The following ANO10 variants were observed in gnomAD, a reference collection of about 807,000 sequenced individuals.
ANO10 encodes anoctamin-10.
In ANO10, 77 loss-of-function variants were observed where a neutral mutation model predicts 74.7. The observed-to-expected ratio is 1.03, with a 90% CI of 0.86 to 1.25. The LOEUF (loss-of-function observed/expected upper bound fraction) is 1.25, where lower values mean the gene tolerates loss of function less well. Among genes scored for constraint, ANO10 ranks in the 50% most tolerant of loss-of-function variants. The pLI is 0.00. For synonymous variants in ANO10, 279 were observed against 284.9 expected (o/e 0.98, Z 0.21); for missense variants, 721 against 778.1 (o/e 0.93, Z 0.87).
At position 43,535,267 on chromosome 3, in the gene ANO10, C is replaced by CTTTTT. The variant is rs71616100; in HGVS notation, c.1797+14448_1797+14452dup. Among the ~76,000 whole-genome samples, 17 of 107,828 alleles carry CTTTTT rather than the reference C, an allele frequency of 1.6e-4. 2 individuals carry two copies. Among genetic ancestry groups the CTTTTT allele is most frequent in the Admixed American group, 2.2e-4 (2 of 9,024 alleles). 70.7% of individuals were successfully genotyped at this position (107,828 alleles called of 152,430 possible). ...AAGTAAACCACCATACCTAGACATT[C>CTTTTT]TTTTTTTTTTTTTTTTTTTTTGAAG... On this transcript the variant is annotated intron_variant, in intron 11 of 12. Transcript: ENST00000292246.
chr3:43,681,492 A>AC (rs145919934), intron 1 of ANO10, among the ~76,000 whole-genome samples: 129,024 of 151,976 alleles, frequency 0.85, 54,809 homozygotes, highest in Middle Eastern at 0.91. Flanking sequence ...AGACTTTTAC[A>AC]CCCACCGTCA....
At chr3:43,542,722 G>C (rs953673985) in intron 11 of ANO10, among the ~76,000 whole-genome samples, 33 of 152,256 alleles carry the variant, frequency 2.2e-4, no homozygotes, top group African/African-American at 7.7e-4. Context: ...TCTATGCTGT[G>C]ACACTACCTG....
At chr3:43,678,214 C>A (rs1165140083) in intron 1 of ANO10, among the ~76,000 whole-genome samples, 2 of 152,162 alleles carry the variant, frequency 1.3e-5, no homozygotes, top group Non-Finnish European at 2.9e-5. Flanking sequence ...TTCATGCCAT[C>A]TATTGAATAA....
At chr3:43,478,112 A>G (rs1385526096) in intron 11 of ANO10, among the ~76,000 whole-genome samples, 2 of 152,210 alleles carry the variant, frequency 1.3e-5, no homozygotes, top group Non-Finnish European at 2.9e-5. Flanking sequence ...CATTTGACAG[A>G]TAAGGAAACT....
intron 12 of ANO10, among the ~76,000 whole-genome samples, chr3:43,384,986 C>A (rs2125704121): frequency 6.6e-6 from 1 of 152,216 alleles, no homozygotes; most frequent in Non-Finnish European, 1.5e-5. Flanking sequence ...AACAGACAAC[C>A]CACAGAGTGG....
At chr3:43,474,249 T>C (rs1311443441) in intron 11 of ANO10, among the ~76,000 whole-genome samples, 11 of 149,862 alleles carry the variant, frequency 7.3e-5, no homozygotes. Flanking sequence ...TTTTTCACAT[T>C]AGAAGATTGT....
At chr3:43,635,044 G>A (rs2083591244) in intron 1 of ANO10, among the ~76,000 whole-genome samples, 1 of 152,120 alleles carries the variant, frequency 6.6e-6, no homozygotes, top group African/African-American at 2.4e-5. Context: ...CCATGGAGCT[G>A]GGGCAGAAGG....
intron 12 of ANO10, among the ~76,000 whole-genome samples, chr3:43,392,848 G>A (rs970605398): frequency 6.6e-6 from 1 of 152,210 alleles, no homozygotes; most frequent in African/African-American, 2.4e-5. Context: ...ACTCCACATT[G>A]GCTCCTGGCC....
chr3:43,618,839 T>C (rs2083249348), intron 1 of ANO10, among the ~76,000 whole-genome samples: 1 of 152,136 alleles, frequency 6.6e-6, no homozygotes, highest in Non-Finnish European at 1.5e-5. Context: ...TCTCGCTCTG[T>C]CGCCCAGGCT....
At chr3:43,378,434 C>T (rs937390231) in intron 12 of ANO10, among the ~76,000 whole-genome samples, 6 of 152,184 alleles carry the variant, frequency 3.9e-5, no homozygotes, top group Non-Finnish European at 7.4e-5. Flanking sequence ...AACTGCAGAC[C>T]GCAGAGAAAG....
intron 1 of ANO10, among the ~76,000 whole-genome samples, chr3:43,615,864 A>G (rs578148944): frequency 1.3e-5 from 2 of 152,220 alleles, no homozygotes; most frequent in East Asian, 1.9e-4. Flanking sequence ...CGTGTTAGCC[A>G]GGATGGTCTC....
chr3:43,485,107 G>C, intron 11 of ANO10: 1 of 1,007,716 alleles, frequency 9.9e-7, no homozygotes, highest in East Asian at 2.5e-5. Context: ...TGCTGGCTGC[G>C]ATCACCTCCA....
intron 11 of ANO10, among the ~76,000 whole-genome samples, chr3:43,513,550 C>T (rs1231485320): frequency 1.3e-5 from 2 of 152,096 alleles, no homozygotes; most frequent in African/African-American, 4.8e-5. Context: ...CACTCTCTCG[C>T]CCAGGCTGGA....
chr3:43,689,792 C>T (rs540416755), intron 1 of ANO10, among the ~76,000 whole-genome samples: 49 of 152,248 alleles, frequency 3.2e-4, no homozygotes, highest in African/African-American at 1.0e-3. Flanking sequence ...GGAAGGAGAA[C>T]AATGAACTGA....
At chr3:43,587,780 T>C (rs1206590182) in intron 4 of ANO10, among the ~76,000 whole-genome samples, 1 of 151,716 alleles carries the variant, frequency 6.6e-6, no homozygotes, top group African/African-American at 2.4e-5. Context: ...TAAACGTTAA[T>C]GAGAAAAATT....
chr3:43,607,070 G>A (rs527705983), intron 1 of ANO10, among the ~76,000 whole-genome samples: 1 of 152,130 alleles, frequency 6.6e-6, no homozygotes, highest in Non-Finnish European at 1.5e-5. Flanking sequence ...TTAGCCTTGG[G>A]TCCCATTCCC....
At chr3:43,580,539 A>G in intron 4 of ANO10, 67 bp from the exon 5 acceptor site, 2 of 1,594,362 alleles carry the variant, frequency 1.3e-6, no homozygotes, top group East Asian at 2.2e-5. Flanking sequence ...CGCTTCAGCA[A>G]ATACTATAAG....
chr3:43,682,767 T>C (rs1455862066), intron 1 of ANO10, among the ~76,000 whole-genome samples: 1 of 152,242 alleles, frequency 6.6e-6, no homozygotes, highest in Non-Finnish European at 1.5e-5. Context: ...GATGGAAGGC[T>C]AGTTCAACAT....
At chr3:43,386,910 C>G (rs2092138132) in intron 12 of ANO10, among the ~76,000 whole-genome samples, 3 of 152,118 alleles carry the variant, frequency 2.0e-5, no homozygotes, top group South Asian at 2.1e-4. Context: ...ACTGGGAGGA[C>G]AGAGGGCCAA....
Sources: gnomAD v4.1 joint callset for allele counts (sites outside exome capture counted in the v4.1 genomes callset) on GRCh38, gnomAD v4.1.1 for gene constraint, MANE v1.5 for transcripts, NCBI Gene and HGNC (gene_info 2026-07-23, HGNC 2026-07-21) for gene names.